Variants in TDRD5 observed in about 807,000 individuals in gnomAD.
The protein encoded by TDRD5 is tudor domain-containing protein 5.
A neutral mutation model predicts 120.6 loss-of-function variants in TDRD5; 41 were observed. The ratio of observed to expected loss-of-function variants is 0.34; its 90% confidence interval spans 0.26 to 0.44. The LOEUF (loss-of-function observed/expected upper bound fraction) is 0.44. Among genes scored for constraint, TDRD5 ranks in the 20% least tolerant of loss-of-function variants. TDRD5 has a pLI of 1.00. For synonymous variants in TDRD5, 430 were observed against 433.7 expected (o/e 0.99, Z 0.11); for missense variants, 1,006 against 1,221.2 (o/e 0.82, Z 2.63).
At chr1:179,604,982 C>T (rs1675898561) in intron 4 of TDRD5, among the ~76,000 whole-genome samples, 1 of 152,032 alleles carries the variant, frequency 6.6e-6, no homozygotes, top group Admixed American at 6.6e-5. Context: ...TTGAGGTCCT[C>T]CACTATTATT....
At position 179,663,396 on chromosome 1, in the gene TDRD5, C is replaced by A. The variant is rs1679408279; in HGVS notation, c.2554C>A (p.Pro852Thr). The change falls in exon 16 of 18, where the codon CCT becomes ACT. Residue 852 changes from proline (P) to threonine (T), a missense_variant. Transcript: ENST00000444136. ...PKDTWDDSWQ[P>T]SGLVNGTKVE... The stretch of plus-strand genomic sequence containing the variant: ...AGATACATGGGATGATTCTTGGCAG[C>A]CTTCAGGCCTTGTAAATGGAACGAA... The A allele has an allele frequency of 1.9e-6, 3 of 1,613,624 alleles. No homozygotes were observed. The highest frequency in any genetic ancestry group is 2.5e-6 in the Non-Finnish European group (3 of 1,179,838).
intron 17 of TDRD5, among the ~76,000 whole-genome samples, chr1:179,673,925 A>G (rs1679982684): frequency 6.6e-6 from 1 of 152,158 alleles, no homozygotes; most frequent in Admixed American, 6.5e-5. Context: ...TGCTGAATTC[A>G]TTTACCAGTT....
chr1:179,657,489 T>C (rs980973399), intron 14 of TDRD5, among the ~76,000 whole-genome samples: 2 of 152,190 alleles, frequency 1.3e-5, no homozygotes, highest in African/African-American at 4.8e-5. Flanking sequence ...TTGGTTTCTT[T>C]TGTGATTTTC....
At chr1:179,598,525 T>A (rs1216928218) in intron 4 of TDRD5, among the ~76,000 whole-genome samples, 2 of 152,200 alleles carry the variant, frequency 1.3e-5, no homozygotes, top group African/African-American at 4.8e-5. Flanking sequence ...TTTATTTAGG[T>A]CTTTACATTC....
intron 3 of TDRD5, among the ~76,000 whole-genome samples, chr1:179,594,566 C>A (rs530265166): frequency 5.9e-5 from 9 of 152,344 alleles, no homozygotes; most frequent in Admixed American, 3.9e-4. Flanking sequence ...CTCAAGAGAC[C>A]AGTGTGACCA....
At chr1:179,640,956 T>C (rs1349944592) in intron 11 of TDRD5, among the ~76,000 whole-genome samples, 1 of 152,162 alleles carries the variant, frequency 6.6e-6, no homozygotes, top group African/African-American at 2.4e-5. Flanking sequence ...TTAAAGGATG[T>C]AAATAGGAAA....
intron 6 of TDRD5, among the ~76,000 whole-genome samples, chr1:179,626,379 A>T (rs1425500898): frequency 6.6e-6 from 1 of 152,160 alleles, no homozygotes; most frequent in Non-Finnish European, 1.5e-5. Flanking sequence ...GGTGGAAAAA[A>T]AGTTTGTCTC....
Position 179,592,758 on chromosome 1 carries a change from T to C in TDRD5, c.143T>C (p.Leu48Pro). 1 of 1,614,186 alleles carries C rather than the reference T, an allele frequency of 6.2e-7. No individual in the cohort carries two copies. The highest frequency in any genetic ancestry group is 8.5e-7 in the Non-Finnish European group (1 of 1,180,024). Reference protein sequence around the residue: ...MVGNHLPLRILGYRSTMELVL... With the variant: ...MVGNHLPLRIPGYRSTMELVL... ...GGCAACCATCTACCACTCCGAATCC[T>C]TGGGTATCGGTCCACTATGGAGCTG... Residue 48 changes from leucine (L) to proline (P), a missense_variant, in exon 2 of 18, where the codon CTT (leucine) becomes CCT (proline). Leu to Pro is a moderately conservative substitution (Grantham distance 98). Transcript: ENST00000444136.
chr1:179,649,261 T>A (rs749963583), intron 11 of TDRD5, among the ~76,000 whole-genome samples: 22 of 152,172 alleles, frequency 1.4e-4, no homozygotes, highest in Non-Finnish European at 4.4e-5. Flanking sequence ...TTTTTTTTAA[T>A]CTTGCAAATT....
chr1:179,607,994 T>G (rs1676070041), intron 4 of TDRD5, among the ~76,000 whole-genome samples: 2 of 152,016 alleles, frequency 1.3e-5, no homozygotes, highest in Admixed American at 1.3e-4. Flanking sequence ...TATTCTTAGC[T>G]TTTATTCATC....
intron 4 of TDRD5, among the ~76,000 whole-genome samples, chr1:179,612,210 A>T (rs954735080): frequency 1.3e-5 from 2 of 152,210 alleles, no homozygotes; most frequent in Non-Finnish European, 2.9e-5. Context: ...ATGAAGAAAA[A>T]AAAGTTTTTC....
intron 17 of TDRD5, among the ~76,000 whole-genome samples, chr1:179,687,934 G>A (rs1241881302): frequency 7.7e-6 from 1 of 129,470 alleles, no homozygotes; most frequent in Non-Finnish European, 1.7e-5. Context: ...GAGCCTATGT[G>A]TGTCTCTGCA....
intron 4 of TDRD5, among the ~76,000 whole-genome samples, chr1:179,613,083 A>G (rs1261455107): frequency 6.6e-6 from 1 of 152,196 alleles, no homozygotes; most frequent in Non-Finnish European, 1.5e-5. Flanking sequence ...CATCTAAATG[A>G]AATCAGGGTG....
At chr1:179,682,881 G>T (rs182435498) in intron 17 of TDRD5, among the ~76,000 whole-genome samples, 2 of 152,216 alleles carry the variant, frequency 1.3e-5, no homozygotes, top group East Asian at 1.9e-4. Flanking sequence ...TTGTCCCAAC[G>T]TAAGATCTAA....
chr1:179,606,939 T>C (rs1236948787), intron 4 of TDRD5, among the ~76,000 whole-genome samples: 1 of 152,134 alleles, frequency 6.6e-6, no homozygotes, highest in African/African-American at 2.4e-5. Context: ...GCCTCCTATA[T>C]AAACTTCAGA....
At chr1:179,686,191 G>C (rs1445284973) in intron 17 of TDRD5, among the ~76,000 whole-genome samples, 3 of 152,102 alleles carry the variant, frequency 2.0e-5, no homozygotes, top group African/African-American at 4.8e-5. Context: ...ATCATAAATA[G>C]CTCTTATTAT....
intron 4 of TDRD5, among the ~76,000 whole-genome samples, chr1:179,608,909 G>A (rs1392238582): frequency 6.6e-6 from 1 of 152,070 alleles, no homozygotes; most frequent in Non-Finnish European, 1.5e-5. Flanking sequence ...AGCTGTATTA[G>A]AGTGGGTATT....
intron 11 of TDRD5, among the ~76,000 whole-genome samples, chr1:179,644,614 T>C (rs1558401860): frequency 6.6e-6 from 1 of 152,194 alleles, no homozygotes; most frequent in Non-Finnish European, 1.5e-5. Flanking sequence ...TTGACATTTT[T>C]GATGTCATTT....
chr1:179,687,766 C>T (rs1216837193), intron 17 of TDRD5, among the ~76,000 whole-genome samples: 1 of 151,776 alleles, frequency 6.6e-6, no homozygotes, highest in Non-Finnish European at 1.5e-5. Context: ...GTTAGCTCTT[C>T]TTGTTGAATT....
Sources: allele counts gnomAD v4.1 joint callset (sites outside exome capture counted in the v4.1 genomes callset), GRCh38; gene constraint gnomAD v4.1.1; transcripts MANE v1.5; gene names NCBI Gene and HGNC (gene_info 2026-07-23, HGNC 2026-07-21).